GALNT17: variants seen among roughly 807,000 people sequenced by gnomAD.
The protein encoded by GALNT17 is polypeptide N-acetylgalactosaminyltransferase 17, also known as UDP-GalNAc:polypeptide N-acetylgalactosaminyltransferase-like 3.
Under a neutral mutation model 63.7 loss-of-function variants are expected in GALNT17, and 29 were observed. The ratio of observed to expected loss-of-function variants is 0.46; its 90% CI spans 0.34 to 0.62. GALNT17 has a LOEUF of 0.62. Among genes scored for constraint, GALNT17 ranks in the 20% least tolerant of loss-of-function variants. The probability of loss-of-function intolerance (pLI) is 0.01; values close to 1 mark genes in which losing one functional copy is unlikely to be tolerated. For missense variants in GALNT17, 603 were observed against 799.6 expected, an observed-to-expected ratio of 0.75 and a Z score of 2.97; for synonymous variants, 305 against 318.3, an observed-to-expected ratio of 0.96 and a Z score of 0.45.
intron 2 of GALNT17, among the ~76,000 whole-genome samples, chr7:71,363,859 T>C (rs1792452483): frequency 6.6e-6 from 1 of 152,224 alleles, no homozygotes; most frequent in Non-Finnish European, 1.5e-5. Context: ...TTTGAACAGT[T>C]GGCCACCTTT....
chr7:71,376,868 T>G (rs1792738110), intron 2 of GALNT17, among the ~76,000 whole-genome samples: 1 of 151,046 alleles, frequency 6.6e-6, no homozygotes, highest in Admixed American at 6.6e-5. Context: ...GGTGGATCAG[T>G]TGAGGTCAGG....
At chr7:71,302,355 T>C (rs962818889) in intron 1 of GALNT17, among the ~76,000 whole-genome samples, 1 of 152,164 alleles carries the variant, frequency 6.6e-6, no homozygotes, top group Non-Finnish European at 1.5e-5. Flanking sequence ...GAACCTAAAA[T>C]AAAATATTTT....
At chr7:71,598,057 C>T (rs1789914041) in intron 6 of GALNT17, among the ~76,000 whole-genome samples, 2 of 152,022 alleles carry the variant, frequency 1.3e-5, no homozygotes. Context: ...TAATTCTCTG[C>T]CTCAGCCTTC....
intron 5 of GALNT17, among the ~76,000 whole-genome samples, chr7:71,435,801 T>G (rs2960890): frequency 6.6e-6 from 1 of 152,060 alleles, no homozygotes; most frequent in Non-Finnish European, 1.5e-5. Flanking sequence ...CGGTGGATCA[T>G]GGGGTCAGGA....
At chr7:71,683,115 A>G (rs1791295235) in intron 9 of GALNT17, among the ~76,000 whole-genome samples, 1 of 152,060 alleles carries the variant, frequency 6.6e-6, no homozygotes, top group Non-Finnish European at 1.5e-5. Flanking sequence ...AGAACGGCAA[A>G]CCGGATTAGG....
intron 1 of GALNT17, among the ~76,000 whole-genome samples, chr7:71,288,427 G>A (rs761282419): frequency 1.3e-5 from 2 of 151,876 alleles, no homozygotes; most frequent in Non-Finnish European, 2.9e-5. Flanking sequence ...TCAAACCCAC[G>A]GTTTTCAGGG....
At chr7:71,614,880 G>A (rs939313567) in intron 6 of GALNT17, among the ~76,000 whole-genome samples, 2 of 128,476 alleles carry the variant, frequency 1.6e-5, no homozygotes, top group Non-Finnish European at 3.2e-5. Flanking sequence ...AACAGGGAGG[G>A]AAGGGAGGGA....
chr7:71,165,061 C>G (rs1040412894), intron 1 of GALNT17, among the ~76,000 whole-genome samples: 13 of 152,254 alleles, frequency 8.5e-5, no homozygotes, highest in African/African-American at 2.6e-4. Flanking sequence ...ATAAGAGAAG[C>G]TGAGGCTCAT....
chr7:71,473,293 C>G (rs1036412422), intron 5 of GALNT17, among the ~76,000 whole-genome samples: 2 of 152,142 alleles, frequency 1.3e-5, no homozygotes, highest in Admixed American at 6.5e-5. Context: ...TATCTCTTTT[C>G]GGACCTTAAT....
chr7:71,462,146 T>A (rs1244463053), intron 5 of GALNT17, among the ~76,000 whole-genome samples: 1 of 152,156 alleles, frequency 6.6e-6, no homozygotes, highest in Non-Finnish European at 1.5e-5. Context: ...CCTGGAGCCC[T>A]TGCCTGGTGG....
intron 3 of GALNT17, among the ~76,000 whole-genome samples, chr7:71,408,266 T>C (rs1354312884): frequency 6.6e-6 from 1 of 152,140 alleles, no homozygotes; most frequent in Non-Finnish European, 1.5e-5. Flanking sequence ...CTATTTTGTT[T>C]CTTAATTGGA....
intron 1 of GALNT17, among the ~76,000 whole-genome samples, chr7:71,295,963 T>C (rs1005363635): frequency 1.3e-5 from 2 of 152,010 alleles, no homozygotes; most frequent in African/African-American, 4.8e-5. Flanking sequence ...CATATTTTCC[T>C]TGGTCACATA....
chr7:71,297,468 C>T (rs762176455), intron 1 of GALNT17, among the ~76,000 whole-genome samples: 4 of 152,036 alleles, frequency 2.6e-5, no homozygotes, highest in Non-Finnish European at 4.4e-5. Context: ...CACTTGAACC[C>T]GGGAGGTGGA....
In GALNT17 at chr7:71,317,939, G is replaced by C. The variant is rs148977516; in HGVS notation, c.239-17611G>C. 7.9e-5 allele frequency among the ~76,000 whole-genome samples: 12 copies of C among 152,098 alleles called. No homozygotes were observed. The East Asian group carries it at 2.1e-3, about 27-fold the overall frequency. ...ATTCATAATTTTTGGGGTGGGAGAGGGGGACAGGTTCTCACCCTGTGGCCC... is the reference window on the plus strand; with the variant it reads ...ATTCATAATTTTTGGGGTGGGAGAGCGGGACAGGTTCTCACCCTGTGGCCC... On this transcript the variant is annotated intron_variant, in intron 1 of 10. Transcript: ENST00000333538.
At chr7:71,682,703 C>G (rs1791286236) in intron 9 of GALNT17, among the ~76,000 whole-genome samples, 2 of 151,988 alleles carry the variant, frequency 1.3e-5, no homozygotes, top group Admixed American at 1.3e-4. Context: ...AATCACCTTG[C>G]CCAGCTAATT....
chr7:71,220,612 G>A (rs1789565495), intron 1 of GALNT17, among the ~76,000 whole-genome samples: 1 of 152,128 alleles, frequency 6.6e-6, no homozygotes, highest in Admixed American at 6.5e-5. Flanking sequence ...ATCTCGGAAT[G>A]TGTCTGTACT....
At chr7:71,588,951 C>A (rs1268827095) in intron 6 of GALNT17, among the ~76,000 whole-genome samples, 1 of 152,088 alleles carries the variant, frequency 6.6e-6, no homozygotes, top group African/African-American at 2.4e-5. Flanking sequence ...CATACCAAAA[C>A]TGAGCCAGAG....
At chr7:71,663,772 G>A (rs936331103) in intron 6 of GALNT17, among the ~76,000 whole-genome samples, 1 of 152,188 alleles carries the variant, frequency 6.6e-6, no homozygotes, top group Non-Finnish European at 1.5e-5. Flanking sequence ...CAAGAAGGGG[G>A]TATGTAGACA....
At chr7:71,154,298 C>T (rs557721335) in intron 1 of GALNT17, among the ~76,000 whole-genome samples, 5 of 152,186 alleles carry the variant, frequency 3.3e-5, no homozygotes. Flanking sequence ...GCGCAGGAGC[C>T]AGACACATGA....
Sources: gnomAD v4.1 joint callset for allele counts (sites outside exome capture counted in the v4.1 genomes callset) on GRCh38, gnomAD v4.1.1 for gene constraint, MANE v1.5 for transcripts, NCBI Gene and HGNC (gene_info 2026-07-23, HGNC 2026-07-21) for gene names.